SLC38A2: variants seen among roughly 807,000 people sequenced by gnomAD.
SLC38A2 encodes the protein solute carrier family 38 member 2.
In SLC38A2, 11 loss-of-function variants were observed where a neutral mutation model predicts 61.5. The observed-to-expected ratio is 0.18, with a 90% CI of 0.11 to 0.30. SLC38A2 has a LOEUF of 0.30. Ranked by LOEUF, SLC38A2 falls within the 10% of genes least tolerant of loss-of-function variation. SLC38A2 has a pLI of 1.00. For synonymous variants in SLC38A2, 217 were observed against 212.5 expected (o/e 1.02, Z -0.18); for missense variants, 522 against 600.4 (o/e 0.87, Z 1.36).
chr12:46,362,302 T>A lies in SLC38A2; in HGVS notation c.1404A>T (p.Lys468Asn). 1 of 1,610,960 alleles carries A rather than the reference T, an allele frequency of 6.2e-7. No homozygotes were observed. Among genetic ancestry groups the A allele is most frequent in the Non-Finnish European group, 8.5e-7 (1 of 1,178,578 alleles). The change falls in exon 15 of 16, where the codon AAA becomes AAT. Residue 468 changes from lysine (K) to asparagine (N), a missense_variant. Lys to Asn is a moderately conservative substitution (Grantham distance 94). Transcript: ENST00000256689. ...CACTCACCCCAATCTTTTGTACAGA[T>A]TTCATAGGTTCTTTCTTCACCAACT... The part of the protein sequence containing the change: ...YIKLVKKEPM[K>N]SVQKIGALFF...
At chr12:46,368,624 G>A (rs1426797578) in intron 4 of SLC38A2, among the ~76,000 whole-genome samples, 2 of 152,206 alleles carry the variant, frequency 1.3e-5, no homozygotes, top group East Asian at 1.9e-4. Context: ...CAAACTGCAC[G>A]CAGTACCATG....
In SLC38A2 at chr12:46,367,223, G is replaced by A. The variant is rs761243101; in HGVS notation, c.388+44C>T. 4.4e-6 allele frequency: 7 copies of A among 1,578,522 alleles called. No homozygotes were observed. The South Asian group carries it at 7.8e-5, about 18-fold the overall frequency. ...AAGGATTTTAAAAGAGAAATAAAAT[G>A]ATAGGTATACATTGTTTTAGAAAAA... is the stretch of plus-strand genomic sequence containing the variant. On this transcript the variant is annotated intron_variant, in intron 5 of 15. Coordinates refer to ENST00000256689, the MANE Select transcript of SLC38A2 (RefSeq NM_018976.5).
intron 4 of SLC38A2, among the ~76,000 whole-genome samples, chr12:46,369,827 G>T (rs1231289675): frequency 6.6e-6 from 1 of 152,148 alleles, no homozygotes; most frequent in Non-Finnish European, 1.5e-5. Context: ...ACGTATTTAT[G>T]CTGGAAAGCA....
chr12:46,365,213 A>G, intron 7 of SLC38A2, 24 bp from the exon 8 acceptor site: 2 of 1,576,708 alleles, frequency 1.3e-6, no homozygotes, highest in Non-Finnish European at 1.7e-6. Flanking sequence ...AAACAAGGTC[A>G]AAACAGTCAC....
At position 46,364,625 on chromosome 12, in the gene SLC38A2, A is replaced by C. The variant is rs1430056571; in HGVS notation, c.705+19T>G. 1 of 1,597,390 alleles carries C rather than the reference A, an allele frequency of 6.3e-7. No individual in the cohort carries two copies. On this transcript the variant is annotated intron_variant, in intron 9 of 15. Coordinates refer to ENST00000256689, the MANE Select transcript of SLC38A2 (RefSeq NM_018976.5). ...CAGGGCTTATAAAAAATTTTTTCTA[A>C]AAAAAAAATCATACCCACCACAATC... is the stretch of plus-strand genomic sequence containing the variant.
At chr12:46,367,016 C>T in intron 6 of SLC38A2, 60 bp downstream of exon 6, 1 of 1,600,746 alleles carries the variant, frequency 6.2e-7, no homozygotes, top group Non-Finnish European at 8.6e-7. Context: ...CATGTGTCAC[C>T]ATTCTGTGCT....
chr12:46,366,886 T>G lies in SLC38A2; in HGVS notation c.541A>C (p.Thr181Pro). 6.2e-7 allele frequency: 1 copy of G among 1,613,714 alleles called. No homozygotes were observed. The highest frequency in any genetic ancestry group is 8.5e-7 in the Non-Finnish European group (1 of 1,179,898). The part of the protein sequence containing the change: ...YELPLVIQAL[T>P]NIEDKTGLWY... ...TACCCAGTTTTATCTTCAATGTTCGTTAATGCCTGGATCACCAAAGGCAAC... is the reference window on the plus strand; with the variant it reads ...TACCCAGTTTTATCTTCAATGTTCGGTAATGCCTGGATCACCAAAGGCAAC... Residue 181 changes from threonine (T) to proline (P), a missense_variant, in exon 7 of 16, where the codon ACG (threonine) becomes CCG (proline). Thr to Pro is a conservative substitution (Grantham distance 38). Transcript: ENST00000256689.
intron 7 of SLC38A2, among the ~76,000 whole-genome samples, chr12:46,366,587 A>G (rs1290236938): frequency 3.3e-5 from 5 of 152,190 alleles, no homozygotes; most frequent in Admixed American, 2.6e-4. Flanking sequence ...AAACACCTAT[A>G]ACTTCTTTAA....
At position 46,370,867 on chromosome 12, in the gene SLC38A2, A is replaced by G. The variant is rs755425745; in HGVS notation, c.117-10T>C. ...TACATCTGCATAATGGCTGCAAAAA[A>G]TATAGACATATATAATTGTAAACTG... On this transcript the variant is annotated splice_polypyrimidine_tract_variant and intron_variant, in intron 2 of 15. Coordinates refer to ENST00000256689, the MANE Select transcript of SLC38A2 (RefSeq NM_018976.5). 2 of 1,581,726 alleles carry G rather than the reference A, an allele frequency of 1.3e-6. No individual in the cohort carries two copies.
intron 7 of SLC38A2, among the ~76,000 whole-genome samples, chr12:46,366,109 G>GTT (rs1199686412): frequency 6.6e-6 from 1 of 152,144 alleles, no homozygotes; most frequent in Non-Finnish European, 1.5e-5. Flanking sequence ...ATAAATACCT[G>GTT]TGAGTTCACT....
chr12:46,365,218 A>C, intron 7 of SLC38A2, 29 bp from the exon 8 acceptor site: 1 of 1,550,418 alleles, frequency 6.4e-7, no homozygotes, highest in Non-Finnish European at 8.9e-7. Context: ...AGGTCAAAAC[A>C]GTCACAAATA....
Position 46,363,668 on chromosome 12 carries a change from T to TTC in SLC38A2, c.1054+56_1054+57dup, listed in dbSNP as rs1183666865. 3 of 1,149,468 alleles carry TTC rather than the reference T, an allele frequency of 2.6e-6. No individual in the cohort carries two copies. In the Admixed American group the frequency reaches 7.8e-5, roughly 30 times the overall value. The allele number at this position is 1,149,468 out of a possible 1,614,324, so 71.2% of individuals were successfully genotyped here. On this transcript the variant is annotated intron_variant, in intron 12 of 15. Coordinates refer to ENST00000256689, the MANE Select transcript of SLC38A2 (RefSeq NM_018976.5). ...ACACATAGAAAACTAGCAGCTTCAT[T>TTC]TCAATAAGCGTTTTTTTTTGTTTTT...
intron 1 of SLC38A2, 154 bp downstream of exon 1, chr12:46,372,355 A>C: frequency 6.7e-5 from 14 of 208,628 alleles, no homozygotes; most frequent in South Asian, 3.8e-4. Flanking sequence ...GCGGCGGGCC[A>C]GGGTGGAAGG....
chr12:46,371,505 GCGAGGGGCGGGGGCGCGC>G (rs1267122026), intron 1 of SLC38A2, 126 bp from the exon 2 acceptor site: 12 of 527,880 alleles, frequency 2.3e-5, no homozygotes, highest in Admixed American at 7.5e-5. Context: ...CCAGCCGCGC[GCGAGGGGCGGGGGCGCGC>G]CGAGGGGCGG....
At chr12:46,367,531 T>G in intron 4 of SLC38A2, 191 bp from the exon 5 acceptor site, 1 of 599,010 alleles carries the variant, frequency 1.7e-6, no homozygotes, top group East Asian at 2.8e-5. Flanking sequence ...AGTAAAAACT[T>G]GCATCATTTC....
At chr12:46,368,593 T>A (rs891311030) in intron 4 of SLC38A2, among the ~76,000 whole-genome samples, 5 of 152,188 alleles carry the variant, frequency 3.3e-5, no homozygotes, top group African/African-American at 1.2e-4. Context: ...AAGAGTTACA[T>A]GTTTTTTAAT....
intron 4 of SLC38A2, 154 bp from the exon 5 acceptor site, chr12:46,367,494 G>A (rs945362399): frequency 3.4e-5 from 21 of 621,032 alleles, no homozygotes; most frequent in Middle Eastern, 4.4e-4. Context: ...CTACTAACTG[G>A]AATGGCAACA....
chr12:46,371,112 C>T, intron 2 of SLC38A2, 66 bp downstream of exon 2: 2 of 1,291,394 alleles, frequency 1.5e-6, no homozygotes, highest in East Asian at 2.3e-5. Context: ...GAAGCAGAGT[C>T]CTAGGTAACT....
At chr12:46,363,899 A>G (rs1943110765) in intron 11 of SLC38A2, 25 bp downstream of exon 11, 1 of 1,596,516 alleles carries the variant, frequency 6.3e-7, no homozygotes, top group Non-Finnish European at 8.5e-7. Context: ...ATTTTCTCAA[A>G]TTTATGTAAA....
Sources: allele counts gnomAD v4.1 joint callset (sites outside exome capture counted in the v4.1 genomes callset), GRCh38; gene constraint gnomAD v4.1.1; transcripts MANE v1.5; gene names NCBI Gene and HGNC (gene_info 2026-07-23, HGNC 2026-07-21).